The following FLNB variants were observed in gnomAD, a reference collection of about 807,000 sequenced individuals.
FLNB encodes filamin B, also known as filamin-B.
Under a neutral mutation model 250.6 loss-of-function variants are expected in FLNB, and 111 were observed. That is an observed-to-expected ratio of 0.44 (90% CI 0.38 to 0.52). The LOEUF (loss-of-function observed/expected upper bound fraction) is 0.52. Ranked by LOEUF, FLNB falls within the 20% of genes least tolerant of loss-of-function variation. The pLI is 0.00. For synonymous variants in FLNB, 1,302 were observed against 1,372.1 expected, an observed-to-expected ratio of 0.95 and a Z score of 1.13; for missense variants, 2,869 against 3,447.8, an observed-to-expected ratio of 0.83 and a Z score of 4.20.
chr3:58,129,952 G>A (rs1019633875), intron 24 of FLNB, among the ~76,000 whole-genome samples: 2 of 152,242 alleles, frequency 1.3e-5, no homozygotes, highest in African/African-American at 4.8e-5. Context: ...TCCTCTCCTC[G>A]ACTCCTCTGT....
intron 1 of FLNB, among the ~76,000 whole-genome samples, chr3:58,067,760 C>A (rs2097188036): frequency 6.6e-6 from 1 of 151,998 alleles, no homozygotes. Context: ...TCACGCCCGG[C>A]TAATTTTTTG....
chr3:58,035,274 T>TA (rs745492601), intron 1 of FLNB, among the ~76,000 whole-genome samples: 1 of 152,194 alleles, frequency 6.6e-6, no homozygotes, highest in Non-Finnish European at 1.5e-5. Flanking sequence ...AAAATACACG[T>TA]AAATTGCAGA....
At chr3:58,149,696 C>T (rs1405909180) in intron 36 of FLNB, 154 bp from the exon 37 acceptor site, 1 of 875,926 alleles carries the variant, frequency 1.1e-6, no homozygotes, top group East Asian at 2.6e-5. Context: ...CCTACTCATC[C>T]CCCTCTGGGC....
At chr3:58,089,505 C>G (rs1436332610) in intron 4 of FLNB, among the ~76,000 whole-genome samples, 2 of 147,444 alleles carry the variant, frequency 1.4e-5, no homozygotes, top group Non-Finnish European at 3.0e-5. Context: ...GAGGTCATGC[C>G]GTTGCCCTCC....
chr3:58,121,096 G>A (rs1341109327), intron 19 of FLNB, 145 bp from the exon 20 acceptor site: 23 of 988,136 alleles, frequency 2.3e-5, no homozygotes, highest in Non-Finnish European at 3.4e-5. Context: ...ACTCAGCTTT[G>A]CTGCTTGTCC....
intron 23 of FLNB, 76 bp downstream of exon 23, chr3:58,125,819 A>G: frequency 7.3e-7 from 1 of 1,375,848 alleles, no homozygotes; most frequent in South Asian, 1.2e-5. Context: ...ATGGTTTCCT[A>G]ACTTTTGATA....
intron 1 of FLNB, among the ~76,000 whole-genome samples, chr3:58,053,749 A>G (rs2097166219): frequency 6.6e-6 from 1 of 152,184 alleles, no homozygotes; most frequent in Non-Finnish European, 1.5e-5. Flanking sequence ...GACGTGAGCC[A>G]CTGTACCTGG....
intron 43 of FLNB, among the ~76,000 whole-genome samples, chr3:58,168,079 G>A (rs1309832277): frequency 6.6e-6 from 1 of 152,226 alleles, no homozygotes; most frequent in Non-Finnish European, 1.5e-5. Flanking sequence ...CCACACCCCT[G>A]GAGGGAGAGC....
rs764825815 is a variant in FLNB, at chr3:58,081,648, TCATTCAC to T, written c.661_667del (p.Ile221ArgfsTer9). 6.2e-7 allele frequency: 1 copy of T among 1,613,962 alleles called. No homozygotes were observed. Among genetic ancestry groups the T allele is most frequent in the East Asian group, 2.2e-5 (1 of 44,902 alleles). On this transcript the variant is annotated frameshift_variant, in exon 4 of 46. Coordinates refer to ENST00000295956, the MANE Select transcript of FLNB (RefSeq NM_001457.4). LOFTEE classifies it high-confidence loss of function. ...TCCTAGGTCATCACTCCTGAAGAAA[TCATTCAC>T]CCGGATGTGGACGAGCACTCAGTTA... is the stretch of plus-strand genomic sequence containing the variant.
In FLNB at chr3:58,077,415, C is replaced by T. The variant is rs548791165; in HGVS notation, c.541+121C>T. 1.3e-5 allele frequency: 17 copies of T among 1,295,068 alleles called. No individual in the cohort carries two copies. In the African/African-American group the frequency reaches 1.7e-4, roughly 13 times the overall value. The allele number at this position is 1,295,068 out of a possible 1,614,324, so 80.2% of individuals were successfully genotyped here. A position where few individuals can be genotyped will look rare whatever the true frequency, so the allele number is the denominator to read the frequency against. On this transcript the variant is annotated intron_variant, in intron 2 of 45. Coordinates refer to ENST00000295956, the MANE Select transcript of FLNB (RefSeq NM_001457.4). ...ATTAGCGTATTTCTCCAGGTCTTAG[C>T]CCATTATAAGCCCATTATAAGGAAA...
chr3:58,150,009 G>A lies in FLNB; in HGVS notation c.6244+7G>A, dbSNP rs753898139. The A allele has an allele frequency of 6.2e-7, 1 of 1,614,266 alleles. No homozygotes were observed. Among genetic ancestry groups the A allele is most frequent in the South Asian group, 1.1e-5 (1 of 91,090 alleles). ...GCTGACGAGCACGTGCCTGGTATGT[G>A]CATTCCATTCCCCTCCAGGTGGGAT... On this transcript the variant is annotated splice_region_variant and intron_variant, in intron 37 of 45. Coordinates refer to ENST00000295956, the MANE Select transcript of FLNB (RefSeq NM_001457.4).
At chr3:58,102,439 C>T in intron 9 of FLNB, 99 bp downstream of exon 9, 2 of 1,328,342 alleles carry the variant, frequency 1.5e-6, no homozygotes, top group African/African-American at 1.4e-5. Flanking sequence ...CCTCAATAAT[C>T]CCAGAAGGCT....
At chr3:58,099,233 G>C (rs1390803523) in intron 8 of FLNB, among the ~76,000 whole-genome samples, 1 of 152,180 alleles carries the variant, frequency 6.6e-6, no homozygotes, top group African/African-American at 2.4e-5. Flanking sequence ...ACTGAAGTTA[G>C]CAGCAGCAAC....
intron 8 of FLNB, 23 bp downstream of exon 8, chr3:58,098,931 C>T: frequency 1.2e-6 from 2 of 1,606,376 alleles, no homozygotes; most frequent in Non-Finnish European, 1.7e-6. Flanking sequence ...CTGCTGGCCA[C>T]ATGTGCTTCT....
intron 1 of FLNB, among the ~76,000 whole-genome samples, chr3:58,068,755 G>A (rs949814985): frequency 6.6e-6 from 1 of 152,166 alleles, no homozygotes; most frequent in African/African-American, 2.4e-5. Flanking sequence ...TGGTCTTGCA[G>A]CAGCTCTTCA....
chr3:58,127,935 C>G (rs1020784656), intron 24 of FLNB, among the ~76,000 whole-genome samples: 4 of 152,092 alleles, frequency 2.6e-5, no homozygotes, highest in African/African-American at 7.2e-5. Context: ...GAGACCACCT[C>G]CCCCGCCCCC....
At position 58,077,484 on chromosome 3, in the gene FLNB, G is replaced by A. The variant is rs750015777; in HGVS notation, c.541+190G>A. Among the ~76,000 whole-genome samples the A allele has an allele frequency of 1.1e-3, 174 of 152,304 alleles. 1 individual carries two copies. Among genetic ancestry groups the A allele is most frequent in the Middle Eastern group, 3.4e-3 (1 of 294 alleles). On this transcript the variant is annotated intron_variant, in intron 2 of 45. Coordinates refer to ENST00000295956, the MANE Select transcript of FLNB (RefSeq NM_001457.4). ...ACCCTTCCAAGGGCAGATTTTCTAG[G>A]TATATCCATAGACATGTTTGAGCAT...
intron 19 of FLNB, among the ~76,000 whole-genome samples, 158 bp from the exon 20 acceptor site, chr3:58,121,083 C>G (rs1450522845): frequency 6.6e-6 from 1 of 152,226 alleles, no homozygotes; most frequent in Non-Finnish European, 1.5e-5. Flanking sequence ...GCTGATGATA[C>G]TTACTCAGCT....
Position 58,134,791 on chromosome 3 carries a change from C to G in FLNB, c.4671+19C>G. 1 of 1,610,972 alleles carries G rather than the reference C, an allele frequency of 6.2e-7. No homozygotes were observed. The highest frequency in any genetic ancestry group is 8.5e-7 in the Non-Finnish European group (1 of 1,177,108). ...AATAACGGTAACTTGGAGTTATTTT[C>G]TGAGCCAAACCTTAATCCTAAGACT... On this transcript the variant is annotated intron_variant, in intron 27 of 45. Transcript: ENST00000295956.
Sources: gnomAD v4.1 joint callset for allele counts (sites outside exome capture counted in the v4.1 genomes callset) on GRCh38, gnomAD v4.1.1 for gene constraint, MANE v1.5 for transcripts, NCBI Gene and HGNC (gene_info 2026-07-23, HGNC 2026-07-21) for gene names.